RABGAP1L: variants seen among roughly 807,000 people sequenced by gnomAD.
The protein encoded by RABGAP1L is RAB GTPase activating protein 1 like, also known as rab GTPase-activating protein 1-like.
In RABGAP1L, 63 loss-of-function variants were observed where a neutral mutation model predicts 137.7. That is an observed-to-expected ratio of 0.46 (90% CI 0.37 to 0.56). The LOEUF is 0.56. Among genes scored for constraint, RABGAP1L ranks in the 20% least tolerant of loss-of-function variants. The pLI, the probability that RABGAP1L is intolerant of heterozygous loss-of-function variation, is 0.00. For synonymous variants in RABGAP1L, 431 were observed against 433.7 expected (o/e 0.99, Z 0.08); for missense variants, 1,095 against 1,244.0 (o/e 0.88, Z 1.80).
At chr1:174,621,685 C>G (rs1672485297) in intron 13 of RABGAP1L, among the ~76,000 whole-genome samples, 1 of 152,092 alleles carries the variant, frequency 6.6e-6, no homozygotes, top group Non-Finnish European at 1.5e-5. Flanking sequence ...TTCCTTACAC[C>G]TTATACAAAA....
chr1:174,970,145 T>A (rs1416296176), intron 21 of RABGAP1L, among the ~76,000 whole-genome samples: 1 of 152,298 alleles, frequency 6.6e-6, no homozygotes, highest in African/African-American at 2.4e-5. Context: ...ACAAACCTCA[T>A]TCAGCCCACC....
chr1:174,939,303 C>A lies in RABGAP1L; in HGVS notation c.2341-18154C>A, dbSNP rs147848253. ...AGGTGTAGTGGCTCATGCCTGTAAT[C>A]CCAGCACTTTGGGAGACTGAGGCAG... On this transcript the variant is annotated intron_variant, in intron 19 of 25. Coordinates refer to ENST00000681986, the MANE Select transcript of RABGAP1L (RefSeq NM_001366446.1). Among the ~76,000 whole-genome samples, 369 of 152,088 alleles carry A rather than the reference C, an allele frequency of 2.4e-3. 1 individual carries two copies. The highest frequency in any genetic ancestry group is 3.4e-3 in the Middle Eastern group (1 of 294).
At chr1:174,627,347 A>G (rs536092681) in intron 13 of RABGAP1L, among the ~76,000 whole-genome samples, 1 of 152,338 alleles carries the variant, frequency 6.6e-6, no homozygotes, top group African/African-American at 2.4e-5. Flanking sequence ...CTGTCTTCCT[A>G]ATGCTTGTTG....
At chr1:174,889,418 G>A (rs1558194425) in intron 19 of RABGAP1L, among the ~76,000 whole-genome samples, 2 of 151,794 alleles carry the variant, frequency 1.3e-5, no homozygotes, top group East Asian at 1.9e-4. Context: ...CACCGCGTCC[G>A]GCCCTGTTTT....
intron 13 of RABGAP1L, among the ~76,000 whole-genome samples, chr1:174,541,136 A>G (rs980347826): frequency 2.0e-5 from 3 of 152,130 alleles, no homozygotes; most frequent in Admixed American, 1.3e-4. Flanking sequence ...TTGCACATTG[A>G]TTTTGTATTC....
At position 174,303,346 on chromosome 1, in the gene RABGAP1L, G is replaced by A. The variant is rs545444849; in HGVS notation, c.1324-1640G>A. The stretch of plus-strand genomic sequence containing the variant: ...GGCATTAGTGTTTAAAATATAAAAA[G>A]CCTCAGGTCTGGTTTCCTCATTTAT... On this transcript the variant is annotated intron_variant, in intron 10 of 25. Coordinates refer to ENST00000681986, the MANE Select transcript of RABGAP1L (RefSeq NM_001366446.1). Among the ~76,000 whole-genome samples the A allele has an allele frequency of 3.3e-5, 5 of 151,922 alleles. No homozygotes were observed. The East Asian group carries it at 9.7e-4, about 29-fold the overall frequency.
chr1:174,901,186 G>A (rs767073807), intron 19 of RABGAP1L, among the ~76,000 whole-genome samples: 1 of 152,070 alleles, frequency 6.6e-6, no homozygotes, highest in Non-Finnish European at 1.5e-5. Context: ...CTGGCTATCA[G>A]CTCCTGTATT....
At chr1:174,640,926 A>T (rs914789823) in intron 14 of RABGAP1L, among the ~76,000 whole-genome samples, 1 of 147,486 alleles carries the variant, frequency 6.8e-6, no homozygotes, top group African/African-American at 2.5e-5. Flanking sequence ...TTTTTAAAAT[A>T]GTGTTTTCTA....
rs1349225848 is a variant in RABGAP1L at position 174,550,999 on chromosome 1, C to CACACAT, written c.1711-86375_1711-86374insCACATA. Among the ~76,000 whole-genome samples the CACACAT allele has an allele frequency of 7.2e-3, 622 of 86,314 alleles. 12 individuals carry two copies. Among genetic ancestry groups the CACACAT allele is most frequent in the South Asian group, 0.022 (72 of 3,258 alleles). The allele number at this position is 86,314 out of a possible 152,430, so 56.6% of individuals were successfully genotyped here. On this transcript the variant is annotated intron_variant, in intron 13 of 25. Transcript: ENST00000681986. The stretch of plus-strand genomic sequence containing the variant: ...GTATATATACATATATATATATACA[C>CACACAT]ATATATATATATATATATATATACA...
chr1:174,819,187 TAAA>T (rs71299431), intron 19 of RABGAP1L, among the ~76,000 whole-genome samples: 2 of 44,868 alleles, frequency 4.5e-5, no homozygotes, highest in East Asian at 7.9e-4. Context: ...TGCCTGTCTC[TAAA>T]AAAAAAAAAA....
chr1:174,914,648 AT>A (rs952505692), intron 19 of RABGAP1L, among the ~76,000 whole-genome samples: 159 of 150,552 alleles, frequency 1.1e-3, no homozygotes, highest in African/African-American at 3.4e-3. Context: ...TTCTGGCTAG[AT>A]TTTTTTTTTA....
At chr1:174,533,120 C>G (rs767971721) in intron 13 of RABGAP1L, among the ~76,000 whole-genome samples, 26 of 152,096 alleles carry the variant, frequency 1.7e-4, no homozygotes, top group Non-Finnish European at 3.7e-4. Context: ...TGTAATCCCA[C>G]CTAGTCGGGA....
At chr1:174,631,876 G>T (rs1673418840) in intron 13 of RABGAP1L, among the ~76,000 whole-genome samples, 1 of 148,478 alleles carries the variant, frequency 6.7e-6, no homozygotes, top group South Asian at 2.2e-4. Context: ...TTTAATTGGA[G>T]AATTTAGTCC....
chr1:174,524,757 A>G (rs1663726971), intron 13 of RABGAP1L, among the ~76,000 whole-genome samples: 1 of 69,116 alleles, frequency 1.4e-5, no homozygotes, highest in South Asian at 3.4e-4. Context: ...GTTGTCTTCT[A>G]TTAGTTTCAT....
chr1:174,219,736 TA>T (rs1276259097), intron 2 of RABGAP1L, among the ~76,000 whole-genome samples: 1 of 152,198 alleles, frequency 6.6e-6, no homozygotes, highest in African/African-American at 2.4e-5. Context: ...TAAATGTTTT[TA>T]AAGCATATCT....
chr1:174,702,233 A>G lies in RABGAP1L; in HGVS notation c.2146A>G (p.Ile716Val), dbSNP rs761901681. 3.1e-6 allele frequency: 5 copies of G among 1,609,754 alleles called. No homozygotes were observed. In the East Asian group the frequency reaches 9.0e-5, roughly 29 times the overall value. ...GTTCCCACTCTGCATGGTGTTCCAC[A>G]TCATTGACTTACTGCTTTGTGAGGT... ...AKFPLCMVFH[I>V]IDLLLCEGLN... is the part of the protein sequence containing the mutation. Residue 716 changes from isoleucine to valine, a missense_variant, in exon 17 of 26, where the codon ATC becomes GTC. Coordinates refer to ENST00000681986, the MANE Select transcript of RABGAP1L (RefSeq NM_001366446.1).
At chr1:174,885,937 AG>A (rs1303506280) in intron 19 of RABGAP1L, among the ~76,000 whole-genome samples, 1 of 151,642 alleles carries the variant, frequency 6.6e-6, no homozygotes, top group Non-Finnish European at 1.5e-5. Context: ...ACTGCACTCC[AG>A]CCTGGGCGAC....
intron 14 of RABGAP1L, among the ~76,000 whole-genome samples, chr1:174,680,252 T>C (rs929071758): frequency 6.6e-5 from 10 of 152,190 alleles, no homozygotes; most frequent in African/African-American, 2.4e-4. Context: ...GGTGATACTA[T>C]TAAGAGATGG....
At chr1:174,338,407 A>G (rs1329741871) in intron 11 of RABGAP1L, among the ~76,000 whole-genome samples, 1 of 152,162 alleles carries the variant, frequency 6.6e-6, no homozygotes, top group Non-Finnish European at 1.5e-5. Context: ...ACCAGTAAAA[A>G]TCCTCATGCA....
Sources: gnomAD v4.1 joint callset for allele counts (sites outside exome capture counted in the v4.1 genomes callset) on GRCh38, gnomAD v4.1.1 for gene constraint, MANE v1.5 for transcripts, NCBI Gene and HGNC (gene_info 2026-07-23, HGNC 2026-07-21) for gene names.